Variants in EIF3E observed in about 807,000 individuals in gnomAD.
EIF3E encodes eIF-3 p48.
EIF3E carries 25 observed loss-of-function variants against 59.3 expected under a neutral mutation model. The observed-to-expected ratio is 0.42, with a 90% CI of 0.31 to 0.59. The LOEUF (loss-of-function observed/expected upper bound fraction) is 0.59, where lower values mean the gene tolerates loss of function less well. EIF3E is among the 20% of genes least tolerant of loss of function. The probability of loss-of-function intolerance (pLI) is 0.15; values close to 1 mark genes in which losing one functional copy is unlikely to be tolerated. For synonymous variants in EIF3E, 176 were observed against 170.2 expected, an observed-to-expected ratio of 1.03 and a Z score of -0.26; for missense variants, 317 against 534.3, an observed-to-expected ratio of 0.59 and a Z score of 4.01.
chr8:108,246,313 T>C (rs1815948697), intron 1 of EIF3E, among the ~76,000 whole-genome samples: 1 of 149,456 alleles, frequency 6.7e-6, no homozygotes, highest in Admixed American at 6.7e-5. Context: ...TATCCTCACA[T>C]AGCAGGATCA....
intron 3 of EIF3E, among the ~76,000 whole-genome samples, chr8:108,237,244 G>C (rs894991251): frequency 6.6e-6 from 1 of 152,108 alleles, no homozygotes; most frequent in Non-Finnish European, 1.5e-5. Flanking sequence ...CCCACCTTAT[G>C]AGCATTTTTG....
intron 7 of EIF3E, among the ~76,000 whole-genome samples, chr8:108,220,549 T>C (rs1002989044): frequency 6.6e-6 from 1 of 152,232 alleles, no homozygotes; most frequent in African/African-American, 2.4e-5. Flanking sequence ...ATGACTTTAC[T>C]GCAATATAAA....
intron 10 of EIF3E, among the ~76,000 whole-genome samples, chr8:108,205,198 T>C (rs926985539): frequency 5.3e-5 from 8 of 152,124 alleles, no homozygotes; most frequent in Non-Finnish European, 1.0e-4. Flanking sequence ...AGCACCTATT[T>C]TTGCTATAGT....
At chr8:108,228,458 T>C (rs899941785) in intron 6 of EIF3E, 67 bp from the exon 7 acceptor site, 1 of 1,218,172 alleles carries the variant, frequency 8.2e-7, no homozygotes, top group Non-Finnish European at 1.1e-6. Context: ...AGGACAAACA[T>C]CACTAACTTC....
intron 7 of EIF3E, among the ~76,000 whole-genome samples, chr8:108,226,855 C>T (rs1306480414): frequency 6.6e-6 from 1 of 152,172 alleles, no homozygotes; most frequent in Non-Finnish European, 1.5e-5. Context: ...GATAATGCCA[C>T]ACAGGGTATT....
intron 1 of EIF3E, chr8:108,242,641 G>C (rs1372206387): frequency 8.6e-7 from 1 of 1,159,468 alleles, no homozygotes; most frequent in Non-Finnish European, 1.1e-6. Flanking sequence ...GGTGGTCAAA[G>C]GGTATTTAGC....
chr8:108,219,703 T>C (rs1395033916), intron 7 of EIF3E, among the ~76,000 whole-genome samples: 2 of 150,234 alleles, frequency 1.3e-5, no homozygotes, highest in South Asian at 2.1e-4. Flanking sequence ...TAGTGAAACC[T>C]TGTCTCTACA....
At chr8:108,226,948 C>CA (rs1815527413) in intron 7 of EIF3E, among the ~76,000 whole-genome samples, 1 of 152,116 alleles carries the variant, frequency 6.6e-6, no homozygotes, top group African/African-American at 2.4e-5. Context: ...CATATGAAAC[C>CA]ATTTTCATTT....
In EIF3E at chr8:108,201,889, T is replaced by C. The variant is rs572358487; in HGVS notation, c.1334A>G (p.Tyr445Cys). The change falls in exon 13 of 13, where the codon TAC (tyrosine) becomes TGC (cysteine). Residue 445 changes from tyrosine (Y) to cysteine (C), a missense_variant. Tyr to Cys is a radical substitution (Grantham distance 194). This residue lies in a region of EIF3E where 45 missense variants were observed against 97.8 expected (regional missense o/e 0.46). Transcript: ENST00000220849. Reference sequence around the variant, plus strand: ...TCATCTTTTCTTTATGGTTCTTCAGTAGAAGCCAGAATCTTGAGTTGCCCA... The same window carrying C: ...TCATCTTTTCTTTATGGTTCTTCAGCAGAAGCCAGAATCTTGAGTTGCCCA... ...PNWATQDSGF[Y>C] 11 of 1,570,492 alleles carry C rather than the reference T, an allele frequency of 7.0e-6. No homozygotes were observed. The highest frequency in any genetic ancestry group is 9.5e-6 in the Non-Finnish European group (11 of 1,158,722).
chr8:108,244,884 G>A (rs904236980), intron 1 of EIF3E, among the ~76,000 whole-genome samples: 7 of 151,624 alleles, frequency 4.6e-5, no homozygotes, highest in Non-Finnish European at 8.8e-5. Context: ...AATGTTATTC[G>A]ATCACATCTG....
chr8:108,225,112 G>A lies in EIF3E; in HGVS notation c.722+3155C>T, dbSNP rs981224240. 4.6e-5 allele frequency among the ~76,000 whole-genome samples: 7 copies of A among 151,578 alleles called. 1 individual carries two copies. Among genetic ancestry groups the A allele is most frequent in the East Asian group, 1.9e-4 (1 of 5,206 alleles). On this transcript the variant is annotated intron_variant, in intron 7 of 12. Transcript: ENST00000220849. Reference sequence around the variant, plus strand: ...AACTGAGAAACAAGATGAACCAGCTGCTTTTCTCACAGAACACTGTTTTTA... The same window carrying A: ...AACTGAGAAACAAGATGAACCAGCTACTTTTCTCACAGAACACTGTTTTTA...
intron 5 of EIF3E, chr8:108,231,848 CTTTT>C (rs1022605954): frequency 6.9e-6 from 1 of 144,678 alleles, no homozygotes; most frequent in Admixed American, 6.9e-5. Flanking sequence ...CGAGTCTTTT[CTTTT>C]TTTTTTTAAG....
At chr8:108,245,994 T>C (rs1455761683) in intron 1 of EIF3E, among the ~76,000 whole-genome samples, 1 of 152,172 alleles carries the variant, frequency 6.6e-6, no homozygotes, top group African/African-American at 2.4e-5. Context: ...TATTTACTGT[T>C]TTTTTCCTAT....
At chr8:108,237,021 CA>C (rs1356120046) in intron 3 of EIF3E, among the ~76,000 whole-genome samples, 1 of 147,436 alleles carries the variant, frequency 6.8e-6, no homozygotes, top group Non-Finnish European at 1.5e-5. Flanking sequence ...GACTCTGTCT[CA>C]AAAAAAAATA....
chr8:108,236,482 C>T (rs1337578330), intron 3 of EIF3E, among the ~76,000 whole-genome samples: 1 of 152,124 alleles, frequency 6.6e-6, no homozygotes, highest in Non-Finnish European at 1.5e-5. Context: ...AACAGTTTGT[C>T]AGACAATAAA....
At chr8:108,211,720 G>A (rs1447239291) in intron 10 of EIF3E, among the ~76,000 whole-genome samples, 1 of 152,164 alleles carries the variant, frequency 6.6e-6, no homozygotes, top group African/African-American at 2.4e-5. Flanking sequence ...GTTACCTAAT[G>A]CAGTGGTTTT....
chr8:108,212,618 A>G (rs913327664), intron 10 of EIF3E, among the ~76,000 whole-genome samples: 2 of 152,226 alleles, frequency 1.3e-5, no homozygotes, highest in Admixed American at 6.5e-5. Context: ...CCTGGCCAAC[A>G]TGGTGAAACC....
chr8:108,214,557 T>C, intron 10 of EIF3E, 50 bp downstream of exon 10: 1 of 1,369,012 alleles, frequency 7.3e-7, no homozygotes, highest in South Asian at 1.5e-5. Context: ...AAATGGAAAT[T>C]TCCAGGAATT....
At chr8:108,220,534 C>T (rs569768092) in intron 7 of EIF3E, among the ~76,000 whole-genome samples, 50 of 152,326 alleles carry the variant, frequency 3.3e-4, no homozygotes, top group African/African-American at 1.2e-3. Context: ...CATGTTGTCA[C>T]TGAAATGACT....
Sources: gnomAD v4.1 joint callset for allele counts (sites outside exome capture counted in the v4.1 genomes callset) on GRCh38, gnomAD v4.1.1 for gene constraint, gnomAD v4.1.1 regional missense constraint, MANE v1.5 for transcripts, NCBI Gene and HGNC (gene_info 2026-07-23, HGNC 2026-07-21) for gene names.